The following SEPTIN7 variants were observed in gnomAD, a reference collection of about 807,000 sequenced individuals.
SEPTIN7 encodes septin-7.
In SEPTIN7, 10 loss-of-function variants were observed where a neutral mutation model predicts 63.3. That is an observed-to-expected ratio of 0.16 (90% CI 0.10 to 0.27). The LOEUF (loss-of-function observed/expected upper bound fraction) is 0.27, where lower values mean the gene tolerates loss of function less well. SEPTIN7 is among the 10% of genes least tolerant of loss of function. SEPTIN7 has a pLI of 1.00. For missense variants in SEPTIN7, 310 were observed against 521.0 expected (o/e 0.59, Z 3.94); for synonymous variants, 131 against 165.3 (o/e 0.79, Z 1.59).
At chr7:35,834,858 T>A (rs1233959837) in intron 3 of SEPTIN7, among the ~76,000 whole-genome samples, 1 of 152,190 alleles carries the variant, frequency 6.6e-6, no homozygotes, top group Admixed American at 6.5e-5. Flanking sequence ...CTATTCCTTA[T>A]GAGCTAAATC....
downstream of SEPTIN7, among the ~76,000 whole-genome samples, chr7:35,910,962 C>A (rs1476426217): frequency 2.6e-5 from 4 of 152,170 alleles, no homozygotes; most frequent in African/African-American, 9.7e-5. Context: ...GATTTGGATA[C>A]CATCAAGACA....
At chr7:35,914,256 T>C in the SEPTIN7 span, among the ~76,000 whole-genome samples, 2 of 152,372 alleles carry the variant, frequency 1.3e-5, no homozygotes, top group Non-Finnish European at 1.5e-5. Flanking sequence ...TTATATGCAT[T>C]CCATATTGTG....
chr7:35,880,203 CTTTTCTTTTT>C (rs1381829624), intron 7 of SEPTIN7, among the ~76,000 whole-genome samples: 4 of 90,490 alleles, frequency 4.4e-5, no homozygotes, highest in East Asian at 3.5e-4. Context: ...TTTCTCTTTT[CTTTTCTTTTT>C]TTTTCTTTTC....
At chr7:35,889,652 T>G (rs2116326852) in intron 10 of SEPTIN7, among the ~76,000 whole-genome samples, 1 of 152,298 alleles carries the variant, frequency 6.6e-6, no homozygotes, top group South Asian at 2.1e-4. Context: ...CAAGCGATTC[T>G]CCTGCCTCAG....
chr7:35,877,629 A>G (rs1026589105), intron 6 of SEPTIN7, among the ~76,000 whole-genome samples: 2 of 152,204 alleles, frequency 1.3e-5, no homozygotes, highest in African/African-American at 4.8e-5. Context: ...ATCTTCATTT[A>G]TTCTTGTGAA....
intron 3 of SEPTIN7, among the ~76,000 whole-genome samples, chr7:35,852,302 A>ATC (rs1412039838): frequency 6.6e-6 from 1 of 152,166 alleles, no homozygotes; most frequent in East Asian, 1.9e-4. Context: ...TGGAACTGAG[A>ATC]TAAGAGATTT....
chr7:35,889,544 A>G (rs1419873492), intron 10 of SEPTIN7, among the ~76,000 whole-genome samples: 3 of 152,102 alleles, frequency 2.0e-5, no homozygotes, highest in African/African-American at 7.2e-5. Context: ...GTACAACAAT[A>G]CACTTTTTTT....
chr7:35,810,792 A>C, intron 1 of SEPTIN7, among the ~76,000 whole-genome samples: 1 of 150,866 alleles, frequency 6.6e-6, no homozygotes, highest in Non-Finnish European at 1.5e-5. Flanking sequence ...TTTGAGACAG[A>C]GGCTCGCTCT....
intron 3 of SEPTIN7, among the ~76,000 whole-genome samples, chr7:35,859,882 A>G (rs1420530099): frequency 6.6e-6 from 1 of 152,108 alleles, no homozygotes; most frequent in South Asian, 2.1e-4. Flanking sequence ...TTAGATCTAC[A>G]ATGTGTCTTT....
chr7:35,826,703 A>G (rs1583514723), intron 1 of SEPTIN7, among the ~76,000 whole-genome samples: 1 of 152,144 alleles, frequency 6.6e-6, no homozygotes, highest in Non-Finnish European at 1.5e-5. Context: ...TTCTGTTACA[A>G]ACTCCCCTTG....
At position 35,879,976 on chromosome 7, in the gene SEPTIN7, G is replaced by A. The variant is rs111720392; in HGVS notation, c.630+36G>A. The A allele has an allele frequency of 9.4e-3, 11,391 of 1,214,928 alleles. 322 individuals are homozygous for A. Among genetic ancestry groups the A allele is most frequent in the African/African-American group, 0.068 (4,478 of 66,260 alleles). 75.3% of individuals were successfully genotyped at this position (1,214,928 alleles called of 1,614,324 possible). A position where few individuals can be genotyped will look rare whatever the true frequency, so the allele number is the denominator to read the frequency against. Reference sequence around the variant, plus strand: ...TGTGTTAACCCAGGTTTCTTATACCGTTCTCATAATTTGCAGTTTTTACTA... The same window carrying A: ...TGTGTTAACCCAGGTTTCTTATACCATTCTCATAATTTGCAGTTTTTACTA... On this transcript the variant is annotated intron_variant, in intron 7 of 13. Coordinates refer to ENST00000350320, the MANE Select transcript of SEPTIN7 (RefSeq NM_001788.6).
At chr7:35,810,871 A>G (rs962836619) in intron 1 of SEPTIN7, among the ~76,000 whole-genome samples, 3 of 151,624 alleles carry the variant, frequency 2.0e-5, no homozygotes, top group Non-Finnish European at 4.4e-5. Flanking sequence ...GGTTCAAGCA[A>G]TTCCTCTGCC....
chr7:35,888,966 T>C, intron 10 of SEPTIN7: 1 of 255,058 alleles, frequency 3.9e-6, no homozygotes, highest in Non-Finnish European at 8.3e-6. Context: ...TCTTGAGTTA[T>C]GAATTCTGTT....
At chr7:35,885,019 CG>C (rs966605891) in intron 9 of SEPTIN7, among the ~76,000 whole-genome samples, 6 of 150,892 alleles carry the variant, frequency 4.0e-5, no homozygotes, top group Non-Finnish European at 8.8e-5. Flanking sequence ...TTTTGAACTT[CG>C]TTTTTTTTTT....
At chr7:35,817,613 G>A (rs1040236641) in intron 1 of SEPTIN7, among the ~76,000 whole-genome samples, 3 of 152,068 alleles carry the variant, frequency 2.0e-5, no homozygotes, top group African/African-American at 7.2e-5. Flanking sequence ...TGTTGAACTT[G>A]TATATCAATT....
chr7:35,836,015 T>G (rs1013517736), intron 3 of SEPTIN7, among the ~76,000 whole-genome samples: 1 of 152,226 alleles, frequency 6.6e-6, no homozygotes, highest in Admixed American at 6.5e-5. Context: ...ACACTGACTT[T>G]AGGATCTGAC....
rs1286058297 is a variant in SEPTIN7, at chr7:35,832,820, A to G, written c.89A>G (p.Tyr30Cys). ...CAGCAACAGAAGAACCTTGAAGGCT[A>G]TGTGGGATTTGCCAATCTCCCAAAT... The part of the protein sequence containing the change: ...MVAQQKNLEG[Y>C]VGFANLPNQV... Residue 30 changes from tyrosine (Y) to cysteine (C), a missense_variant, in exon 3 of 14, where the codon TAT becomes TGT. Physicochemically the swap from Tyr to Cys is radical, Grantham distance 194. Around this residue, in one of 2 missense-constraint regions of SEPTIN7, gnomAD observed 255 missense variants for 490.5 expected, o/e 0.52. Transcript: ENST00000350320. 6.2e-7 allele frequency: 1 copy of G among 1,610,296 alleles called. No individual in the cohort carries two copies. Among genetic ancestry groups the G allele is most frequent in the Non-Finnish European group, 8.5e-7 (1 of 1,176,716 alleles).
intron 1 of SEPTIN7, among the ~76,000 whole-genome samples, chr7:35,813,337 A>G (rs540810878): frequency 6.6e-6 from 1 of 151,978 alleles, no homozygotes; most frequent in South Asian, 2.1e-4. Flanking sequence ...TTTCCTACTT[A>G]CAAATGAGTA....
At chr7:35,817,615 A>G (rs74467273) in intron 1 of SEPTIN7, among the ~76,000 whole-genome samples, 12,438 of 152,114 alleles carry the variant, frequency 0.082, 578 homozygotes, top group South Asian at 0.19. Flanking sequence ...TTGAACTTGT[A>G]TATCAATTTG....
Sources: gnomAD v4.1 joint callset for allele counts (sites outside exome capture counted in the v4.1 genomes callset) on GRCh38, gnomAD v4.1.1 for gene constraint, gnomAD v4.1.1 regional missense constraint, MANE v1.5 for transcripts, NCBI Gene and HGNC (gene_info 2026-07-23, HGNC 2026-07-21) for gene names.